The following PRKCE variants were observed in gnomAD, a reference collection of about 807,000 sequenced individuals.
PRKCE encodes the protein protein kinase C epsilon type.
PRKCE carries 16 observed loss-of-function variants against 85.4 expected under a neutral mutation model. That is an observed-to-expected ratio of 0.19 (90% CI 0.13 to 0.28). The LOEUF is 0.28. Among genes scored for constraint, PRKCE ranks in the 10% least tolerant of loss-of-function variants. The pLI is 1.00. For synonymous variants in PRKCE, 388 were observed against 371.5 expected, an observed-to-expected ratio of 1.04 and a Z score of -0.51; for missense variants, 573 against 975.2, an observed-to-expected ratio of 0.59 and a Z score of 5.49.
At chr2:45,943,439 G>A (rs953438949) in intron 2 of PRKCE, among the ~76,000 whole-genome samples, 10 of 152,212 alleles carry the variant, frequency 6.6e-5, no homozygotes, top group African/African-American at 1.7e-4. Flanking sequence ...CCCTCTAGCC[G>A]GGGCTTAGGA....
intron 6 of PRKCE, among the ~76,000 whole-genome samples, chr2:45,996,584 T>G (rs1437421465): frequency 7.2e-6 from 1 of 139,678 alleles, no homozygotes; most frequent in East Asian, 2.0e-4. Context: ...CATCTATTGT[T>G]AGAATTATTT....
At chr2:45,710,347 A>G (rs1286929966) in intron 1 of PRKCE, among the ~76,000 whole-genome samples, 1 of 152,220 alleles carries the variant, frequency 6.6e-6, no homozygotes, top group Non-Finnish European at 1.5e-5. Flanking sequence ...TTCAAAGTCC[A>G]TACCCTTGCC....
intron 1 of PRKCE, among the ~76,000 whole-genome samples, chr2:45,739,629 G>T (rs1284086263): frequency 6.6e-6 from 1 of 152,138 alleles, no homozygotes; most frequent in Non-Finnish European, 1.5e-5. Context: ...TCTCATGTAT[G>T]TGGCTCTCTG....
chr2:45,908,498 A>G (rs1255648530), intron 2 of PRKCE, among the ~76,000 whole-genome samples: 1 of 152,154 alleles, frequency 6.6e-6, no homozygotes, highest in African/African-American at 2.4e-5. Flanking sequence ...TTGTGTTAGG[A>G]TGCAGATTCT....
At chr2:45,754,855 G>C (rs1683872879) in intron 1 of PRKCE, among the ~76,000 whole-genome samples, 1 of 152,356 alleles carries the variant, frequency 6.6e-6, no homozygotes, top group South Asian at 2.1e-4. Flanking sequence ...TGCTAGGAGA[G>C]GCTGCCAGCA....
In PRKCE at chr2:45,851,735, G is replaced by A. The variant is rs533892158; in HGVS notation, c.412+8672G>A. On this transcript the variant is annotated intron_variant, in intron 2 of 14. Coordinates refer to ENST00000306156, the MANE Select transcript of PRKCE (RefSeq NM_005400.3). ...GCTACAAGAGGCTCCAGCAAACCCTGCCAGAGAGGAGTGACTCACTGAATC... is the reference window on the plus strand; with the variant it reads ...GCTACAAGAGGCTCCAGCAAACCCTACCAGAGAGGAGTGACTCACTGAATC... 2 of 152,324 alleles carry A rather than the reference G, an allele frequency of 1.3e-5. 1 individual carries two copies. The highest frequency in any genetic ancestry group is 4.8e-5 in the African/African-American group (2 of 41,570). 9.4% of individuals were successfully genotyped at this position (152,324 alleles called of 1,614,324 possible).
intron 1 of PRKCE, among the ~76,000 whole-genome samples, chr2:45,759,497 C>T (rs1317012235): frequency 6.6e-6 from 1 of 152,230 alleles, no homozygotes. Flanking sequence ...GAGACCAAGC[C>T]TCTCTTTTCA....
intron 10 of PRKCE, among the ~76,000 whole-genome samples, chr2:46,050,195 A>G (rs1286952955): frequency 1.3e-5 from 2 of 152,262 alleles, no homozygotes; most frequent in Non-Finnish European, 2.9e-5. Flanking sequence ...CACAAGAAAA[A>G]GGCCAAAGCT....
chr2:45,765,426 G>T (rs1684835302), intron 1 of PRKCE, among the ~76,000 whole-genome samples: 1 of 152,174 alleles, frequency 6.6e-6, no homozygotes. Context: ...GGACTCCCCG[G>T]TGCCTTGAAG....
At chr2:45,901,708 C>T (rs963127881) in intron 2 of PRKCE, among the ~76,000 whole-genome samples, 1 of 152,184 alleles carries the variant, frequency 6.6e-6, no homozygotes, top group Non-Finnish European at 1.5e-5. Context: ...AGAGACTCTC[C>T]TGTTGTTGCT....
At chr2:45,966,615 G>T (rs1344258887) in intron 2 of PRKCE, among the ~76,000 whole-genome samples, 8 of 152,162 alleles carry the variant, frequency 5.3e-5, no homozygotes, top group Admixed American at 4.6e-4. Flanking sequence ...CTCCTGATGA[G>T]CTGACCCCCA....
At chr2:45,960,652 C>T (rs992537265) in intron 2 of PRKCE, among the ~76,000 whole-genome samples, 4 of 152,220 alleles carry the variant, frequency 2.6e-5, no homozygotes, top group South Asian at 2.1e-4. Flanking sequence ...CAGCCAGGTT[C>T]CTAACAGGCC....
chr2:46,025,341 A>G (rs1305437371), intron 10 of PRKCE, among the ~76,000 whole-genome samples: 1 of 152,216 alleles, frequency 6.6e-6, no homozygotes, highest in East Asian at 1.9e-4. Context: ...CTGCTTCAGT[A>G]TACATTAGAC....
At chr2:45,988,172 G>C (rs1703489859) in intron 6 of PRKCE, among the ~76,000 whole-genome samples, 1 of 152,178 alleles carries the variant, frequency 6.6e-6, no homozygotes. Flanking sequence ...TGGTCCCCTG[G>C]TCCTGGCTGG....
At chr2:45,952,260 C>G (rs1038924582) in intron 2 of PRKCE, among the ~76,000 whole-genome samples, 1 of 152,128 alleles carries the variant, frequency 6.6e-6, no homozygotes, top group African/African-American at 2.4e-5. Context: ...AGGTGGTGGT[C>G]GGCAAAAGAG....
At chr2:45,951,824 C>CTTTTG (rs1030582106) in intron 2 of PRKCE, among the ~76,000 whole-genome samples, 15 of 152,158 alleles carry the variant, frequency 9.9e-5, no homozygotes, top group African/African-American at 2.7e-4. Flanking sequence ...CTCTCAGACT[C>CTTTTG]TTTTGTTTTG....
intron 2 of PRKCE, among the ~76,000 whole-genome samples, chr2:45,848,894 A>G (rs1692013039): frequency 6.6e-6 from 1 of 152,214 alleles, no homozygotes. Context: ...GAAAGAGGCA[A>G]GGCTTGGGTT....
intron 1 of PRKCE, among the ~76,000 whole-genome samples, chr2:45,785,873 A>T (rs763473459): frequency 6.6e-6 from 1 of 152,136 alleles, no homozygotes; most frequent in Non-Finnish European, 1.5e-5. Context: ...TCTGCCTCAC[A>T]TGCAGCACCG....
intron 2 of PRKCE, among the ~76,000 whole-genome samples, chr2:45,930,981 C>T (rs926709580): frequency 6.6e-6 from 1 of 152,156 alleles, no homozygotes; most frequent in Non-Finnish European, 1.5e-5. Context: ...ATAATTGTGT[C>T]CCTGATCCTT....
Sources: gnomAD v4.1 joint callset for allele counts (sites outside exome capture counted in the v4.1 genomes callset) on GRCh38, gnomAD v4.1.1 for gene constraint, MANE v1.5 for transcripts, NCBI Gene and HGNC (gene_info 2026-07-23, HGNC 2026-07-21) for gene names.